The following PRKDC variants were observed in gnomAD, a reference collection of about 807,000 sequenced individuals.
PRKDC encodes DNA-dependent protein kinase catalytic subunit.
In PRKDC, 82 loss-of-function variants were observed where a neutral mutation model predicts 486.9. That is an observed-to-expected ratio of 0.17 (90% confidence interval 0.14 to 0.20). The LOEUF is 0.20. Ranked by LOEUF, PRKDC falls within the 10% of genes least tolerant of loss-of-function variation. PRKDC has a pLI of 1.00. For missense variants in PRKDC, 4,504 were observed against 5,038.2 expected (o/e 0.89, Z 3.21); for synonymous variants, 1,895 against 1,837.0 (o/e 1.03, Z -0.81).
chr8:47,845,209 G>C (rs187343158), intron 54 of PRKDC, among the ~76,000 whole-genome samples: 1 of 152,070 alleles, frequency 6.6e-6, no homozygotes, highest in Non-Finnish European at 1.5e-5. Flanking sequence ...GCAACACGGT[G>C]AGACTCCACC....
At chr8:47,912,267 T>C (rs2089916974) in intron 25 of PRKDC, 143 bp downstream of exon 25, 2 of 917,156 alleles carry the variant, frequency 2.2e-6, no homozygotes, top group African/African-American at 1.7e-5. Flanking sequence ...CATGACCAAT[T>C]AAACCAGAGC....
intron 64 of PRKDC, 110 bp downstream of exon 64, chr8:47,823,748 G>T (rs866328870): frequency 3.8e-6 from 5 of 1,299,672 alleles, no homozygotes; most frequent in Middle Eastern, 2.5e-4. Flanking sequence ...GTAACGAAAA[G>T]ACATTGAACC....
At chr8:47,858,403 T>G in intron 48 of PRKDC, 113 bp downstream of exon 48, 1 of 1,107,888 alleles carries the variant, frequency 9.0e-7, no homozygotes, top group East Asian at 2.9e-5. Context: ...TATTTTCCTT[T>G]TTTGTGTGTG....
intron 54 of PRKDC, among the ~76,000 whole-genome samples, chr8:47,848,002 G>C (rs1269426273): frequency 6.6e-6 from 1 of 152,014 alleles, no homozygotes; most frequent in Non-Finnish European, 1.5e-5. Flanking sequence ...TATTGGCAAG[G>C]CTGCAGAGAA....
chr8:47,780,384 T>C (rs2086678714), intron 80 of PRKDC, among the ~76,000 whole-genome samples: 2 of 152,220 alleles, frequency 1.3e-5, no homozygotes, highest in Non-Finnish European at 2.9e-5. Context: ...AAAAGCTGTT[T>C]TCAGTGTTTC....
At position 47,775,123 on chromosome 8, in the gene PRKDC, G is replaced by A. The variant is rs539313787; in HGVS notation, c.12183-746C>T. 1.1e-3 allele frequency among the ~76,000 whole-genome samples: 174 copies of A among 151,866 alleles called. 1 individual carries two copies. The highest frequency in any genetic ancestry group is 5.0e-3 in the Admixed American group (76 of 15,246). On this transcript the variant is annotated intron_variant, in intron 85 of 85. Coordinates refer to ENST00000314191, the MANE Select transcript of PRKDC (RefSeq NM_006904.7). ...GATCGCTTGAACCCAGGAGGTGGGG[G>A]TTGCAGTGAGTCCATATCGTGCCAT...
chr8:47,832,055 A>G (rs1054173490), intron 59 of PRKDC, 129 bp from the exon 60 acceptor site: 4 of 749,448 alleles, frequency 5.3e-6, no homozygotes, highest in African/African-American at 3.5e-5. Context: ...CGGGAGCAGG[A>G]GTGCAGGGGC....
intron 40 of PRKDC, among the ~76,000 whole-genome samples, chr8:47,871,873 G>A (rs1377612063): frequency 6.6e-6 from 1 of 151,792 alleles, no homozygotes; most frequent in Non-Finnish European, 1.5e-5. Flanking sequence ...TTACAGGCGT[G>A]AGCCACCACG....
chr8:47,858,713 A>G, intron 47 of PRKDC, 78 bp from the exon 48 acceptor site: 1 of 1,442,628 alleles, frequency 6.9e-7, no homozygotes, highest in Non-Finnish European at 9.2e-7. Flanking sequence ...GAAAACAAGG[A>G]CAAAGTAAGA....
At chr8:47,929,372 C>T (rs1589799420) in intron 18 of PRKDC, among the ~76,000 whole-genome samples, 194 bp from the exon 19 acceptor site, 1 of 152,340 alleles carries the variant, frequency 6.6e-6, no homozygotes, top group East Asian at 1.9e-4. Flanking sequence ...GGGAAGGTGG[C>T]AGCTAGTGAG....
rs1431198213 is a variant in PRKDC at position 47,887,566 on chromosome 8, G to C, written c.4553C>G (p.Ala1518Gly). 1 of 1,587,722 alleles carries C rather than the reference G, an allele frequency of 6.3e-7. No individual in the cohort carries two copies. The highest frequency in any genetic ancestry group is 2.3e-5 in the East Asian group (1 of 44,052). The change falls in exon 35 of 86, where the codon GCC becomes GGC. Residue 1518 changes from alanine to glycine, a missense_variant. This residue lies in a region of PRKDC where 1,969 missense variants were observed against 2,068.9 expected (regional missense o/e 0.95). Coordinates refer to ENST00000314191, the MANE Select transcript of PRKDC (RefSeq NM_006904.7). ...KQLASGLLEL[A>G]FAFGGLCERL... ...TCCTACCAGTCCTCCAAAAGCAAAG[G>C]CTAACTCCAGAAGTCCGCTGGCCAG...
intron 3 of PRKDC, 39 bp from the exon 4 acceptor site, chr8:47,955,987 G>T: frequency 7.0e-7 from 1 of 1,430,802 alleles, no homozygotes; most frequent in Non-Finnish European, 9.6e-7. Context: ...TCATCAATAA[G>T]ATATAAAAAC....
In PRKDC at chr8:47,909,014, A is replaced by C. The variant is rs571781637; in HGVS notation, c.2934+3396T>G. On this transcript the variant is annotated intron_variant, in intron 25 of 85. Coordinates refer to ENST00000314191, the MANE Select transcript of PRKDC (RefSeq NM_006904.7). ...CTCTATTAGTCCAGTTTCACCAAGA[A>C]CTCCGCTGAGTCAGTTCAGTGAAAA... 2.6e-5 allele frequency among the ~76,000 whole-genome samples: 4 copies of C among 151,880 alleles called. No homozygotes were observed. The South Asian group carries it at 8.3e-4, about 32-fold the overall frequency.
At position 47,834,223 on chromosome 8, in the gene PRKDC, C is replaced by G. The variant is rs1390892828; in HGVS notation, c.8125G>C (p.Gly2709Arg). ...DFGKKRLGLP[G>R]DEVDNKVKGA... ...TTCACTTTGTTATCCACCTCGTCCC[C>G]TGGAAGGCCCAGCCTTTTTTTCCCA... The change falls in exon 59 of 86, where the codon GGG becomes CGG. Residue 2709 changes from glycine to arginine, a missense_variant. Transcript: ENST00000314191. 1.9e-6 allele frequency: 3 copies of G among 1,614,048 alleles called. No homozygotes were observed. Among genetic ancestry groups the G allele is most frequent in the Admixed American group, 1.7e-5 (1 of 60,032 alleles).
intron 67 of PRKDC, among the ~76,000 whole-genome samples, chr8:47,818,704 A>G (rs2154498891): frequency 6.6e-6 from 1 of 152,302 alleles, no homozygotes; most frequent in Admixed American, 6.5e-5. Context: ...TTGAAAAATA[A>G]TTTTCCAAAA....
At chr8:47,809,011 A>C (rs2087271612) in intron 68 of PRKDC, among the ~76,000 whole-genome samples, 1 of 151,712 alleles carries the variant, frequency 6.6e-6, no homozygotes, top group Non-Finnish European at 1.5e-5. Flanking sequence ...GTGGCACAGC[A>C]AGACCCTGTG....
At position 47,830,546 on chromosome 8, in the gene PRKDC, C is replaced by T; in HGVS notation, c.8397+59G>A. 4 of 1,594,610 alleles carry T rather than the reference C, an allele frequency of 2.5e-6. No homozygotes were observed. The South Asian group carries it at 4.5e-5, about 18-fold the overall frequency. On this transcript the variant is annotated intron_variant, in intron 61 of 85. Coordinates refer to ENST00000314191, the MANE Select transcript of PRKDC (RefSeq NM_006904.7). ...AGCCATGTTTCCTCACATAGGCAAA[C>T]CCCTGAACTGGAAACAGATTTTAAC...
intron 61 of PRKDC, among the ~76,000 whole-genome samples, chr8:47,829,727 G>A (rs1426486875): frequency 1.3e-5 from 2 of 152,180 alleles, no homozygotes; most frequent in African/African-American, 2.4e-5. Context: ...GAAGGTGAAA[G>A]ATCTTTACAA....
chr8:47,934,093 G>T lies in PRKDC; in HGVS notation c.1498-3C>A, dbSNP rs368206726. The T allele has an allele frequency of 4.2e-5, 67 of 1,611,124 alleles. No homozygotes were observed. The highest frequency in any genetic ancestry group is 5.6e-5 in the Non-Finnish European group (66 of 1,178,610). ...TCTTCAGATTCAGACTCAGGGCCCT[G>T]GCCAGAAAGACAGCATGACAATATG... On this transcript the variant is annotated splice_polypyrimidine_tract_variant and splice_region_variant and intron_variant, in intron 14 of 85. Coordinates refer to ENST00000314191, the MANE Select transcript of PRKDC (RefSeq NM_006904.7).
Sources: gnomAD v4.1 joint callset for allele counts (sites outside exome capture counted in the v4.1 genomes callset) on GRCh38, gnomAD v4.1.1 for gene constraint, gnomAD v4.1.1 regional missense constraint, MANE v1.5 for transcripts, NCBI Gene and HGNC (gene_info 2026-07-23, HGNC 2026-07-21) for gene names.